The following YARS1 variants were observed in gnomAD, a reference collection of about 807,000 sequenced individuals.
YARS1 encodes the protein tyrosyl-tRNA synthetase 1.
YARS1 carries 36 observed loss-of-function variants against 62.2 expected under a neutral mutation model. The ratio of observed to expected loss-of-function variants is 0.58; its 90% confidence interval spans 0.44 to 0.76. The LOEUF (loss-of-function observed/expected upper bound fraction) is 0.76. Among genes scored for constraint, YARS1 ranks in the 30% least tolerant of loss-of-function variants. The probability of loss-of-function intolerance (pLI) is 0.00; values close to 1 mark genes in which losing one functional copy is unlikely to be tolerated. For synonymous variants in YARS1, 234 were observed against 244.9 expected (o/e 0.96, Z 0.42); for missense variants, 524 against 639.8 (o/e 0.82, Z 1.95).
intron 8 of YARS1, 112 bp from the exon 9 acceptor site, chr1:32,782,651 T>C: frequency 6.9e-7 from 1 of 1,440,760 alleles, no homozygotes; most frequent in Non-Finnish European, 9.6e-7. Flanking sequence ...ATTTGATCCT[T>C]GTGATAATCT....
intron 4 of YARS1, among the ~76,000 whole-genome samples, chr1:32,803,990 G>T (rs1243208232): frequency 6.6e-6 from 1 of 152,142 alleles, no homozygotes; most frequent in Non-Finnish European, 1.5e-5. Flanking sequence ...AGCACATCTT[G>T]CACCGCCCTT....
At chr1:32,784,316 A>G (rs2148602502) in intron 8 of YARS1, among the ~76,000 whole-genome samples, 1 of 152,088 alleles carries the variant, frequency 6.6e-6, no homozygotes, top group Middle Eastern at 3.4e-3. Context: ...CACCTGGCGT[A>G]CATTAACATT....
intron 4 of YARS1, among the ~76,000 whole-genome samples, chr1:32,805,180 A>C (rs1365595533): frequency 7.4e-6 from 1 of 135,392 alleles, no homozygotes; most frequent in African/African-American, 2.7e-5. Flanking sequence ...TGGCGGCAGT[A>C]CAGTCCAGCC....
chr1:32,793,254 C>T (rs2148607531), intron 5 of YARS1, among the ~76,000 whole-genome samples: 1 of 152,276 alleles, frequency 6.6e-6, no homozygotes, highest in South Asian at 2.1e-4. Context: ...GAAATTATGG[C>T]AGACAATTTC....
chr1:32,802,220 G>T (rs934351549), intron 4 of YARS1, among the ~76,000 whole-genome samples: 1 of 152,006 alleles, frequency 6.6e-6, no homozygotes, highest in Non-Finnish European at 1.5e-5. Flanking sequence ...GTGCTGGGAT[G>T]ACAGGCGTGA....
Position 32,817,347 on chromosome 1 carries a change from G to T in YARS1, c.-103C>A, listed in dbSNP as rs1569797406. The T allele has an allele frequency of 6.7e-7, 1 of 1,485,432 alleles. No homozygotes were observed. The highest frequency in any genetic ancestry group is 9.3e-7 in the Non-Finnish European group (1 of 1,074,394). The allele number at this position is 1,485,432 out of a possible 1,614,324, so 92.0% of individuals were successfully genotyped here. On this transcript the variant is annotated 5_prime_UTR_variant, in exon 1 of 13. Transcript: ENST00000373477. ...GGAACTGTCACGCGAGTCCAGCCAG[G>T]TTGCATCAGCTGGGCTCGGCGCTCC...
At chr1:32,781,312 A>T in intron 9 of YARS1, 167 bp from the exon 10 acceptor site, 1 of 666,722 alleles carries the variant, frequency 1.5e-6, no homozygotes, top group East Asian at 2.7e-5. Flanking sequence ...CCTTTCAGAC[A>T]TGACATACCT....
intron 5 of YARS1, among the ~76,000 whole-genome samples, chr1:32,797,350 C>T (rs1209122287): frequency 6.6e-6 from 1 of 151,510 alleles, no homozygotes; most frequent in African/African-American, 2.4e-5. Context: ...CTGGCCTGGG[C>T]GACAGAGTGA....
intron 9 of YARS1, 110 bp downstream of exon 9, chr1:32,782,294 C>G (rs1653084999): frequency 6.3e-7 from 1 of 1,586,886 alleles, no homozygotes; most frequent in African/African-American, 1.3e-5. Flanking sequence ...CATTCCTGCA[C>G]TTCAGACCCC....
intron 1 of YARS1, among the ~76,000 whole-genome samples, chr1:32,814,573 A>G (rs1638656321): frequency 6.6e-6 from 1 of 152,108 alleles, no homozygotes; most frequent in African/African-American, 2.4e-5. Context: ...TATTTTTAGT[A>G]GAGATGGGGT....
intron 3 of YARS1, among the ~76,000 whole-genome samples, chr1:32,810,106 CAAA>C (rs11381151): frequency 8.2e-6 from 1 of 121,558 alleles, no homozygotes. Context: ...AACTCCACCT[CAAA>C]AAAAAAAAAA....
At position 32,786,941 on chromosome 1, in the gene YARS1, G is replaced by T; in HGVS notation, c.819C>A (p.Ser273=). 1 of 1,613,964 alleles carries T rather than the reference G, an allele frequency of 6.2e-7. No individual in the cohort carries two copies. Among genetic ancestry groups the T allele is most frequent in the Non-Finnish European group, 8.5e-7 (1 of 1,179,970 alleles). ...FIKHVLFPLK[S]EFVILRDEKW... ...TAGGAAGAAAACAGAGAGTGTTACC[G>T]GACTTAAGGGGAAAAAGGACATGCT... The change falls in exon 7 of 13, where the codon TCC becomes TCA. Residue 273 remains serine, a splice_region_variant and synonymous_variant. Transcript: ENST00000373477.
intron 4 of YARS1, among the ~76,000 whole-genome samples, chr1:32,804,287 G>A (rs1381482162): frequency 6.6e-6 from 1 of 152,180 alleles, no homozygotes; most frequent in Non-Finnish European, 1.5e-5. Flanking sequence ...GCCGGGCAGA[G>A]GGGCTCCTCA....
At chr1:32,786,564 T>A in intron 7 of YARS1, 117 bp from the exon 8 acceptor site, 1 of 1,004,016 alleles carries the variant, frequency 1.0e-6, no homozygotes, top group Non-Finnish European at 1.5e-6. Flanking sequence ...TATTCTGAAC[T>A]TTATTGTATG....
intron 6 of YARS1, among the ~76,000 whole-genome samples, chr1:32,789,913 C>T (rs1321107336): frequency 7.4e-6 from 1 of 135,912 alleles, no homozygotes; most frequent in Non-Finnish European, 1.6e-5. Context: ...GAGGGAGTCT[C>T]GCTCTTGTTG....
chr1:32,784,727 TATATACAC>T (rs1259026006), intron 8 of YARS1, among the ~76,000 whole-genome samples: 3 of 152,146 alleles, frequency 2.0e-5, no homozygotes, highest in Non-Finnish European at 2.9e-5. Flanking sequence ...TATATTCACA[TATATACAC>T]ACATACACAC....
intron 8 of YARS1, 105 bp downstream of exon 8, chr1:32,786,257 G>C: frequency 8.8e-7 from 1 of 1,131,872 alleles, no homozygotes; most frequent in South Asian, 1.3e-5. Context: ...ATAGCAGGCA[G>C]CTCACTTTTA....
chr1:32,782,153 G>C, intron 9 of YARS1: 1 of 562,916 alleles, frequency 1.8e-6, no homozygotes, highest in South Asian at 2.0e-5. Flanking sequence ...CAGACTAGAA[G>C]GACCAAAGTA....
intron 4 of YARS1, 83 bp from the exon 5 acceptor site, chr1:32,797,926 T>C: frequency 4.1e-6 from 5 of 1,226,514 alleles, no homozygotes; most frequent in Non-Finnish European, 5.9e-6. Context: ...GCTGGAGTGC[T>C]GTGGCGTGAT....
Sources: allele counts gnomAD v4.1 joint callset (sites outside exome capture counted in the v4.1 genomes callset), GRCh38; gene constraint gnomAD v4.1.1; transcripts MANE v1.5; gene names NCBI Gene and HGNC (gene_info 2026-07-23, HGNC 2026-07-21).